SCAPER: variants seen among roughly 807,000 people sequenced by gnomAD.
The protein encoded by SCAPER is S-phase cyclin A associated protein in the ER, also known as S phase cyclin A-associated protein in the endoplasmic reticulum.
A neutral mutation model predicts 182.2 loss-of-function variants in SCAPER; 98 were observed. The observed-to-expected ratio is 0.54, with a 90% CI of 0.46 to 0.64. SCAPER has a LOEUF of 0.64. Ranked by LOEUF, SCAPER falls within the 30% of genes least tolerant of loss-of-function variation. SCAPER has a pLI of 0.00. For synonymous variants in SCAPER, 605 were observed against 564.6 expected, an observed-to-expected ratio of 1.07 and a Z score of -1.01; for missense variants, 1,432 against 1,690.0, an observed-to-expected ratio of 0.85 and a Z score of 2.68.
intron 1 of SCAPER, among the ~76,000 whole-genome samples, chr15:76,901,599 CGTAT>C (rs1292608882): frequency 6.6e-6 from 1 of 152,078 alleles, no homozygotes; most frequent in East Asian, 1.9e-4. Flanking sequence ...TTCTCTTTTG[CGTAT>C]GTTTCAAAAC....
intron 21 of SCAPER, among the ~76,000 whole-genome samples, chr15:76,622,860 C>A (rs1386998247): frequency 6.6e-6 from 1 of 152,132 alleles, no homozygotes; most frequent in Admixed American, 6.6e-5. Flanking sequence ...TGTGGAAATG[C>A]GATCCCCAAT....
At chr15:76,804,680 A>G in intron 5 of SCAPER, 47 bp from the exon 6 acceptor site, 3 of 1,244,492 alleles carry the variant, frequency 2.4e-6, no homozygotes, top group Non-Finnish European at 1.1e-6. Flanking sequence ...TCTGAGACTA[A>G]AAACTTTGAA....
intron 10 of SCAPER, among the ~76,000 whole-genome samples, chr15:76,770,022 C>T (rs1474400483): frequency 6.6e-6 from 1 of 151,908 alleles, no homozygotes; most frequent in African/African-American, 2.4e-5. Context: ...TACTATGCAG[C>T]CATAAAAAAG....
At chr15:76,709,833 G>T (rs2059467910) in intron 17 of SCAPER, among the ~76,000 whole-genome samples, 1 of 152,054 alleles carries the variant, frequency 6.6e-6, no homozygotes. Context: ...GACAAAGTGG[G>T]AATTAACCCA....
At chr15:76,526,247 G>C (rs1306207955) in intron 23 of SCAPER, among the ~76,000 whole-genome samples, 2 of 151,880 alleles carry the variant, frequency 1.3e-5, no homozygotes, top group Non-Finnish European at 2.9e-5. Context: ...CTTCATTCTT[G>C]AGTGTTTTAC....
At chr15:76,756,892 A>G (rs148144298) in intron 14 of SCAPER, among the ~76,000 whole-genome samples, 2 of 152,354 alleles carry the variant, frequency 1.3e-5, no homozygotes, top group East Asian at 3.9e-4. Flanking sequence ...TTATTATATG[A>G]TAAAATCAAG....
intron 23 of SCAPER, among the ~76,000 whole-genome samples, chr15:76,557,452 C>T (rs2046274429): frequency 6.6e-6 from 1 of 152,168 alleles, no homozygotes; most frequent in African/African-American, 2.4e-5. Context: ...GGTGGGGCCT[C>T]ATAGGAGGTG....
chr15:76,407,904 A>C (rs553596286), intron 26 of SCAPER, among the ~76,000 whole-genome samples: 381 of 152,296 alleles, frequency 2.5e-3, no homozygotes, highest in Middle Eastern at 6.8e-3. Context: ...TCCTGCATAA[A>C]GTTTAAGCAA....
intron 25 of SCAPER, among the ~76,000 whole-genome samples, chr15:76,440,940 G>A (rs1222726451): frequency 2.4e-5 from 2 of 84,724 alleles, no homozygotes; most frequent in East Asian, 6.0e-4. Context: ...TTTTTTTTTG[G>A]GGACGGAGTC....
At chr15:76,578,860 C>T (rs1326339382) in intron 22 of SCAPER, among the ~76,000 whole-genome samples, 3 of 152,156 alleles carry the variant, frequency 2.0e-5, no homozygotes, top group Non-Finnish European at 4.4e-5. Flanking sequence ...CTAAATAAGA[C>T]ACCAGGGACC....
intron 23 of SCAPER, among the ~76,000 whole-genome samples, chr15:76,530,287 A>G (rs2043546273): frequency 6.6e-6 from 1 of 152,162 alleles, no homozygotes; most frequent in Non-Finnish European, 1.5e-5. Flanking sequence ...TAAATTATCT[A>G]TTTGTTGCAA....
intron 21 of SCAPER, among the ~76,000 whole-genome samples, chr15:76,632,315 G>T (rs2053186023): frequency 6.6e-6 from 1 of 152,038 alleles, no homozygotes. Flanking sequence ...TCAGCCTCCT[G>T]AGCAGCTGGG....
chr15:76,719,329 T>TA (rs558663528), intron 17 of SCAPER, among the ~76,000 whole-genome samples: 35 of 152,132 alleles, frequency 2.3e-4, no homozygotes, highest in Admixed American at 1.9e-3. Context: ...TGTGAAATCT[T>TA]AAAAAAAATT....
At chr15:76,543,503 T>C (rs1257265254) in intron 23 of SCAPER, among the ~76,000 whole-genome samples, 1 of 152,164 alleles carries the variant, frequency 6.6e-6, no homozygotes, top group Non-Finnish European at 1.5e-5. Context: ...GCACTGTGGT[T>C]TGCACTGTGG....
At chr15:76,718,281 A>C (rs995521095) in intron 17 of SCAPER, among the ~76,000 whole-genome samples, 3 of 152,220 alleles carry the variant, frequency 2.0e-5, no homozygotes, top group Non-Finnish European at 1.5e-5. Flanking sequence ...AAGCAGTTGT[A>C]AGAGGGAAGT....
intron 5 of SCAPER, among the ~76,000 whole-genome samples, chr15:76,815,492 G>A (rs534446091): frequency 3.3e-5 from 5 of 152,260 alleles, no homozygotes; most frequent in East Asian, 3.9e-4. Context: ...ATCATTGTGC[G>A]ACCATCAGAG....
intron 4 of SCAPER, among the ~76,000 whole-genome samples, chr15:76,842,157 G>C (rs2069541855): frequency 6.6e-6 from 1 of 152,064 alleles, no homozygotes; most frequent in Non-Finnish European, 1.5e-5. Context: ...GCAATCTAAA[G>C]ATTAAAGTAT....
At chr15:76,583,215 G>A (rs2048384877) in intron 22 of SCAPER, among the ~76,000 whole-genome samples, 1 of 152,080 alleles carries the variant, frequency 6.6e-6, no homozygotes, top group African/African-American at 2.4e-5. Flanking sequence ...GCCAGACATG[G>A]TGGCACATGC....
At chr15:76,519,687 C>T (rs2042694625) in intron 23 of SCAPER, among the ~76,000 whole-genome samples, 1 of 152,140 alleles carries the variant, frequency 6.6e-6, no homozygotes, top group Non-Finnish European at 1.5e-5. Context: ...CTTGATGCCT[C>T]GGTGTTCTTA....
Sources: gnomAD v4.1 joint callset for allele counts (sites outside exome capture counted in the v4.1 genomes callset) on GRCh38, gnomAD v4.1.1 for gene constraint, MANE v1.5 for transcripts, NCBI Gene and HGNC (gene_info 2026-07-23, HGNC 2026-07-21) for gene names.